EBF3: variants seen among roughly 807,000 people sequenced by gnomAD.
The protein encoded by EBF3 is EBF transcription factor 3.
In EBF3, 18 loss-of-function variants were observed where a neutral mutation model predicts 77.1. The observed-to-expected ratio is 0.23, with a 90% CI of 0.16 to 0.35. EBF3 has a LOEUF of 0.35. Ranked by LOEUF, EBF3 falls within the 10% of genes least tolerant of loss-of-function variation. The probability of loss-of-function intolerance (pLI) is 1.00; values close to 1 mark genes in which losing one functional copy is unlikely to be tolerated. For missense variants in EBF3, 558 were observed against 860.0 expected (o/e 0.65, Z 4.39); for synonymous variants, 350 against 343.5 (o/e 1.02, Z -0.21).
intron 6 of EBF3, among the ~76,000 whole-genome samples, chr10:129,902,369 T>C (rs1375351881): frequency 1.3e-5 from 2 of 152,094 alleles, no homozygotes; most frequent in Admixed American, 1.3e-4. Flanking sequence ...GCCCATCTTC[T>C]TCAAGGCTGG....
intron 6 of EBF3, among the ~76,000 whole-genome samples, chr10:129,934,522 T>A (rs1857231311): frequency 6.6e-6 from 1 of 152,114 alleles, no homozygotes; most frequent in African/African-American, 2.4e-5. Context: ...TGCTTCCTCA[T>A]CTCAGGGCCC....
chr10:129,918,574 G>A (rs940985695), intron 6 of EBF3, among the ~76,000 whole-genome samples: 5 of 152,186 alleles, frequency 3.3e-5, no homozygotes, highest in African/African-American at 7.2e-5. Flanking sequence ...ACCAACCTGC[G>A]GTTTAGGCCA....
chr10:129,941,377 C>T (rs941634446), intron 6 of EBF3, among the ~76,000 whole-genome samples: 1 of 152,240 alleles, frequency 6.6e-6, no homozygotes, highest in Non-Finnish European at 1.5e-5. Flanking sequence ...TCTGTTCTGC[C>T]CCGGTCATCA....
chr10:129,865,847 C>T (rs1472649123), intron 10 of EBF3, among the ~76,000 whole-genome samples: 2 of 152,180 alleles, frequency 1.3e-5, no homozygotes, highest in Non-Finnish European at 2.9e-5. Context: ...AGGACTGTGT[C>T]CCATTGGGCG....
chr10:129,841,044 C>G lies in EBF3; in HGVS notation c.1373-12G>C. The G allele has an allele frequency of 1.3e-6, 2 of 1,599,490 alleles. No homozygotes were observed. The highest frequency in any genetic ancestry group is 1.1e-5 in the South Asian group (1 of 89,562). On this transcript the variant is annotated splice_polypyrimidine_tract_variant and intron_variant, in intron 13 of 16. Coordinates refer to ENST00000440978, the MANE Select transcript of EBF3 (RefSeq NM_001375380.1). The surrounding 1 kb of genome is among the most constrained non-coding windows in gnomAD (Gnocchi z 4.6). Reference sequence around the variant, plus strand: ...GCGACTGTAGCCGACTGTTGAAATCCCCCCCCCGGCCAAAAATAACATTAT... The same window carrying G: ...GCGACTGTAGCCGACTGTTGAAATCGCCCCCCCGGCCAAAAATAACATTAT...
intron 10 of EBF3, 101 bp downstream of exon 10, chr10:129,867,040 C>A (rs1307922051): frequency 3.5e-6 from 5 of 1,442,802 alleles, no homozygotes; most frequent in Non-Finnish European, 4.6e-6. Context: ...TTCCACAGAC[C>A]CCTGCCCTCT....
At chr10:129,949,489 A>C (rs1330550992) in intron 6 of EBF3, among the ~76,000 whole-genome samples, 1 of 152,192 alleles carries the variant, frequency 6.6e-6, no homozygotes, top group African/African-American at 2.4e-5. Context: ...ACCCTGTTCC[A>C]AGTGATGGGA....
intron 15 of EBF3, 86 bp from the exon 16 acceptor site, chr10:129,839,281 G>C: frequency 1.7e-6 from 1 of 594,628 alleles, no homozygotes; most frequent in South Asian, 1.5e-5. Flanking sequence ...ACTGGGAGGA[G>C]CATATACCAA....
intron 6 of EBF3, among the ~76,000 whole-genome samples, chr10:129,895,507 C>T (rs1161487458): frequency 1.3e-5 from 2 of 152,218 alleles, no homozygotes; most frequent in Admixed American, 6.5e-5. Flanking sequence ...ATGGGTAAGG[C>T]ATTTCCATTC....
rs184152979 is a variant in EBF3 at position 129,861,437 on chromosome 10, G to A, written c.1039+5704C>T. Among the ~76,000 whole-genome samples the A allele has an allele frequency of 9.8e-5, 15 of 152,330 alleles. No homozygotes were observed. The highest frequency in any genetic ancestry group is 3.6e-4 in the African/African-American group (15 of 41,580). Reference sequence around the variant, plus strand: ...TCACGCATTATCTTGTGATTATCCCGATTCTGGGCAGGTCCAGAGTCAGCC... The same window carrying A: ...TCACGCATTATCTTGTGATTATCCCAATTCTGGGCAGGTCCAGAGTCAGCC... On this transcript the variant is annotated intron_variant, in intron 10 of 16. Transcript: ENST00000440978. This position sits in a 1 kb window ranked among gnomAD's most constrained non-coding sequence, Gnocchi z 4.3.
In EBF3 at chr10:129,963,969, G is replaced by A. The variant is rs944234434; in HGVS notation, c.-201C>T. ...GGGCGCTCCGGACGGCCAGGGGCGC[G>A]GAGGCGGCTCCACCGGCGGCGGCGG... On this transcript the variant is annotated 5_prime_UTR_variant, in exon 1 of 17. Transcript: ENST00000440978. This position sits in a 1 kb window ranked among gnomAD's most constrained non-coding sequence, Gnocchi z 7.1. 4 of 1,025,652 alleles carry A rather than the reference G, an allele frequency of 3.9e-6. No individual in the cohort carries two copies. In the African/African-American group the frequency reaches 5.2e-5, roughly 13 times the overall value. The allele number at this position is 1,025,652 out of a possible 1,614,324, so 63.5% of individuals were successfully genotyped here. A position where few individuals can be genotyped will look rare whatever the true frequency, so the allele number is the denominator to read the frequency against.
chr10:129,873,248 C>T (rs1050130849), intron 8 of EBF3, among the ~76,000 whole-genome samples: 2 of 152,188 alleles, frequency 1.3e-5, no homozygotes, highest in African/African-American at 4.8e-5. Flanking sequence ...TGGGAAAGTC[C>T]CGCTGTTCAA....
At chr10:129,891,097 A>T (rs1853989318) in intron 6 of EBF3, among the ~76,000 whole-genome samples, 1 of 152,194 alleles carries the variant, frequency 6.6e-6, no homozygotes, top group African/African-American at 2.4e-5. Flanking sequence ...AAAAATGAGC[A>T]TCTAAATGGA....
At chr10:129,929,163 A>G (rs568662493) in intron 6 of EBF3, among the ~76,000 whole-genome samples, 1 of 152,236 alleles carries the variant, frequency 6.6e-6, no homozygotes, top group Non-Finnish European at 1.5e-5. Flanking sequence ...CTATGTCAAC[A>G]TTTGTAGGAG....
At chr10:129,942,415 A>T (rs1158604272) in intron 6 of EBF3, among the ~76,000 whole-genome samples, 1 of 152,212 alleles carries the variant, frequency 6.6e-6, no homozygotes, top group Non-Finnish European at 1.5e-5. Flanking sequence ...CAGTTAGGTA[A>T]ATGCCAAACA....
Position 129,840,286 on chromosome 10 carries a change from G to A in EBF3, c.1718C>T (p.Pro573Leu). The change falls in exon 15 of 17, where the codon CCT becomes CTT. Residue 573 changes from proline (P) to leucine (L), a missense_variant. Pro to Leu is a moderately conservative substitution (Grantham distance 98, BLOSUM62 -3). Around this residue, in one of 5 missense-constraint regions of EBF3, gnomAD observed 284 missense variants for 368.3 expected, o/e 0.77. Transcript: ENST00000440978. Reference sequence around the variant, plus strand: ...GTTGGCGCTGGTGCAGGAAGGAGGAGGAGAGGCTTGGGGCCGGACCACGGG... The same window carrying A: ...GTTGGCGCTGGTGCAGGAAGGAGGAAGAGAGGCTTGGGGCCGGACCACGGG... ...FAPVVRPQAS[P>L]PPSCTSANGN... 1.3e-6 allele frequency: 2 copies of A among 1,595,516 alleles called. No homozygotes were observed. Among genetic ancestry groups the A allele is most frequent in the Non-Finnish European group, 1.7e-6 (2 of 1,170,958 alleles).
At chr10:129,867,405 A>G in intron 9 of EBF3, 138 bp from the exon 10 acceptor site, 5 of 1,363,042 alleles carry the variant, frequency 3.7e-6, no homozygotes, top group African/African-American at 1.5e-5. Context: ...TGTCACCCAG[A>G]GTCCCGGGAC....
Position 129,963,352 on chromosome 10 carries a change from T to G in EBF3, c.291+15A>C. ...TCTAGAAAGAGAGAGGGTGTGATCG[T>G]GTGTTTGCACTTACTTTCTCTTTCT... On this transcript the variant is annotated intron_variant, in intron 2 of 16. Transcript: ENST00000440978. This position sits in a 1 kb window ranked among gnomAD's most constrained non-coding sequence, Gnocchi z 7.1. 12 of 1,574,710 alleles carry G rather than the reference T, an allele frequency of 7.6e-6. No homozygotes were observed. The highest frequency in any genetic ancestry group is 9.5e-6 in the Non-Finnish European group (11 of 1,161,622).
chr10:129,928,623 G>C (rs758875828), intron 6 of EBF3, among the ~76,000 whole-genome samples: 18 of 152,200 alleles, frequency 1.2e-4, no homozygotes, highest in Non-Finnish European at 2.6e-4. Flanking sequence ...CCTAGACAGA[G>C]AATGTGGATT....
Sources: gnomAD v4.1 joint callset for allele counts (sites outside exome capture counted in the v4.1 genomes callset) on GRCh38, gnomAD v4.1.1 for gene constraint, gnomAD v4.1.1 regional missense constraint, Gnocchi (gnomAD v3.1) non-coding constraint, MANE v1.5 for transcripts, NCBI Gene and HGNC (gene_info 2026-07-23, HGNC 2026-07-21) for gene names.